The following CEMIP2 variants were observed in gnomAD, a reference collection of about 807,000 sequenced individuals.
The protein encoded by CEMIP2 is cell migration inducing hyaluronidase 2, also known as cell surface hyaluronidase CEMIP2.
CEMIP2 carries 79 observed loss-of-function variants against 146.9 expected under a neutral mutation model. The observed-to-expected ratio is 0.54, with a 90% CI of 0.45 to 0.65. CEMIP2 has a LOEUF of 0.65. Ranked by LOEUF, CEMIP2 falls within the 30% of genes least tolerant of loss-of-function variation. The probability of loss-of-function intolerance (pLI) is 0.00; values close to 1 mark genes in which losing one functional copy is unlikely to be tolerated. For missense variants in CEMIP2, 1,596 were observed against 1,696.2 expected (o/e 0.94, Z 1.04); for synonymous variants, 601 against 606.3 (o/e 0.99, Z 0.13).
At chr9:71,724,233 G>A (rs1262788024) in intron 11 of CEMIP2, among the ~76,000 whole-genome samples, 1 of 152,002 alleles carries the variant, frequency 6.6e-6, no homozygotes. Context: ...GGCAGAGGTG[G>A]CAGTGAGCTG....
intron 18 of CEMIP2, among the ~76,000 whole-genome samples, chr9:71,702,401 G>A (rs1183663695): frequency 6.6e-6 from 1 of 151,076 alleles, no homozygotes; most frequent in Non-Finnish European, 1.5e-5. Flanking sequence ...AAATGCGGGG[G>A]GGCGGGCAGG....
At chr9:71,762,394 T>C (rs766674631) in intron 1 of CEMIP2, among the ~76,000 whole-genome samples, 1 of 150,862 alleles carries the variant, frequency 6.6e-6, no homozygotes, top group African/African-American at 2.4e-5. Context: ...GCCGAGGCAG[T>C]TGGATGGCTT....
intron 1 of CEMIP2, among the ~76,000 whole-genome samples, chr9:71,751,626 T>G (rs906187643): frequency 6.6e-6 from 1 of 152,230 alleles, no homozygotes; most frequent in African/African-American, 2.4e-5. Flanking sequence ...TGCCCTATAA[T>G]TCTGGCTCAG....
At chr9:71,737,269 A>G (rs1461052605) in intron 5 of CEMIP2, among the ~76,000 whole-genome samples, 3 of 151,854 alleles carry the variant, frequency 2.0e-5, no homozygotes, top group African/African-American at 7.3e-5. Flanking sequence ...CCTGGCCAAC[A>G]TGGTGAAACC....
intron 22 of CEMIP2, 164 bp from the exon 23 acceptor site, chr9:71,686,010 C>T (rs1318910669): frequency 3.3e-6 from 2 of 601,980 alleles, no homozygotes; most frequent in African/African-American, 3.7e-5. Flanking sequence ...TCCCACTCTT[C>T]CACCCCACCA....
chr9:71,726,657 G>T (rs1448046392), intron 10 of CEMIP2, among the ~76,000 whole-genome samples: 1 of 152,206 alleles, frequency 6.6e-6, no homozygotes, highest in African/African-American at 2.4e-5. Flanking sequence ...GAGGAGAGAT[G>T]AGAGAGGAAT....
intron 5 of CEMIP2, among the ~76,000 whole-genome samples, chr9:71,735,766 C>G (rs1823743894): frequency 6.6e-5 from 10 of 151,734 alleles, no homozygotes; most frequent in Admixed American, 6.6e-4. Flanking sequence ...CTATGAGACA[C>G]AGCAAGACCC....
At chr9:71,715,111 T>C (rs1319274839) in intron 14 of CEMIP2, 22 bp from the exon 15 acceptor site, 2 of 1,609,426 alleles carry the variant, frequency 1.2e-6, no homozygotes, top group Non-Finnish European at 1.7e-6. Context: ...CGAACAATCA[T>C]TAGCTACATT....
intron 21 of CEMIP2, among the ~76,000 whole-genome samples, chr9:71,690,982 G>A (rs1332220557): frequency 6.6e-6 from 1 of 152,172 alleles, no homozygotes; most frequent in Non-Finnish European, 1.5e-5. Context: ...TAAACCCATA[G>A]GCACTGTTCC....
At chr9:71,715,932 T>C (rs1184810960) in intron 14 of CEMIP2, among the ~76,000 whole-genome samples, 1 of 150,588 alleles carries the variant, frequency 6.6e-6, no homozygotes, top group African/African-American at 2.4e-5. Context: ...AGCCCTCATA[T>C]GAATTAATAA....
At chr9:71,692,364 C>CCTCTCTCTCTCTCTCTCT (rs1563993236) in intron 21 of CEMIP2, among the ~76,000 whole-genome samples, 1 of 77,548 alleles carries the variant, frequency 1.3e-5, no homozygotes, top group African/African-American at 1.3e-4. Flanking sequence ...CTCTACCCCC[C>CCTCTCTCTCTCTCTCTCT]ATCTCTCTCT....
At chr9:71,732,079 T>G (rs1564015222) in intron 7 of CEMIP2, among the ~76,000 whole-genome samples, 3 of 152,084 alleles carry the variant, frequency 2.0e-5, no homozygotes, top group South Asian at 2.1e-4. Flanking sequence ...TGTTTTGTTT[T>G]GTTTTTTGGT....
intron 11 of CEMIP2, among the ~76,000 whole-genome samples, chr9:71,724,686 A>G (rs924469011): frequency 3.3e-5 from 5 of 152,194 alleles, no homozygotes; most frequent in African/African-American, 1.2e-4. Context: ...TTCATGAAAA[A>G]ATGGAAACTC....
intron 19 of CEMIP2, chr9:71,699,462 A>AAG (rs1554681072): frequency 7.1e-6 from 3 of 420,292 alleles, no homozygotes; most frequent in South Asian, 1.7e-5. Context: ...TAAAAAAAAA[A>AAG]AAAGAAAGAA....
chr9:71,757,818 T>C (rs1291312732), intron 1 of CEMIP2, among the ~76,000 whole-genome samples: 1 of 152,226 alleles, frequency 6.6e-6, no homozygotes, highest in Non-Finnish European at 1.5e-5. Context: ...ATTCAGATTA[T>C]GTCCATTGAC....
chr9:71,768,676 T>C (rs1172282472), upstream of CEMIP2: 1 of 151,806 alleles, frequency 6.6e-6, no homozygotes, highest in African/African-American at 2.4e-5. Flanking sequence ...GCTTTCTCCG[T>C]TCCTTCCCCT....
intron 6 of CEMIP2, among the ~76,000 whole-genome samples, chr9:71,734,208 G>GGTTTTTTTTTTTTTT (rs374206725): frequency 1.4e-5 from 2 of 144,132 alleles, no homozygotes; most frequent in African/African-American, 2.5e-5. Context: ...ATGAGTTTTT[G>GGTTTTTTTTTTTTTT]TTTTTGTTTT....
rs144704005 is a variant in CEMIP2 at position 71,705,147 on chromosome 9, T to C, written c.2986-344A>G. Among the ~76,000 whole-genome samples the C allele has an allele frequency of 4.3e-3, 654 of 152,128 alleles. 1 individual carries two copies. The highest frequency in any genetic ancestry group is 5.0e-3 in the Non-Finnish European group (337 of 67,972). ...GAACACACATACAAAAAAAAATTAG[T>C]AAACTAATGTGAAAACTGATATCCT... On this transcript the variant is annotated intron_variant, in intron 17 of 23. Transcript: ENST00000377044.
intron 1 of CEMIP2, among the ~76,000 whole-genome samples, chr9:71,760,732 C>G (rs1824609400): frequency 6.6e-6 from 1 of 151,276 alleles, no homozygotes; most frequent in Admixed American, 6.6e-5. Context: ...TCTGAGCAAC[C>G]AAAAATAAAA....
Sources: allele counts gnomAD v4.1 joint callset (sites outside exome capture counted in the v4.1 genomes callset), GRCh38; gene constraint gnomAD v4.1.1; transcripts MANE v1.5; gene names NCBI Gene and HGNC (gene_info 2026-07-23, HGNC 2026-07-21).